The following HCRTR2 variants were observed in gnomAD, a reference collection of about 807,000 sequenced individuals.
HCRTR2 encodes orexin receptor type 2.
A neutral mutation model predicts 49.0 loss-of-function variants in HCRTR2; 22 were observed. That is an observed-to-expected ratio of 0.45 (90% CI 0.32 to 0.64). The LOEUF is 0.64. Among genes scored for constraint, HCRTR2 ranks in the 30% least tolerant of loss-of-function variants. The pLI is 0.04. For synonymous variants in HCRTR2, 236 were observed against 205.3 expected, an observed-to-expected ratio of 1.15 and a Z score of -1.28; for missense variants, 491 against 559.4, an observed-to-expected ratio of 0.88 and a Z score of 1.23.
At chr6:55,269,267 T>C (rs1396193633) in intron 4 of HCRTR2, among the ~76,000 whole-genome samples, 2 of 152,132 alleles carry the variant, frequency 1.3e-5, no homozygotes, top group South Asian at 2.1e-4. Context: ...GTTTTCTGAC[T>C]AAAGTCAGAA....
intron 1 of HCRTR2, among the ~76,000 whole-genome samples, chr6:55,134,620 C>G (rs1350241585): frequency 6.6e-6 from 1 of 151,668 alleles, no homozygotes; most frequent in East Asian, 1.9e-4. Flanking sequence ...CCAACATCTC[C>G]CCATTTTCTC....
At chr6:55,232,016 T>C (rs1766124232) in intron 1 of HCRTR2, among the ~76,000 whole-genome samples, 1 of 152,276 alleles carries the variant, frequency 6.6e-6, no homozygotes, top group South Asian at 2.1e-4. Context: ...AACAGATGTG[T>C]CCTAACCCAC....
At chr6:55,126,696 G>A in intron 1 of HCRTR2, among the ~76,000 whole-genome samples, 1 of 142,580 alleles carries the variant, frequency 7.0e-6, no homozygotes, top group East Asian at 2.0e-4. Flanking sequence ...CTTGCCCCAG[G>A]TGCTCTGTCC....
chr6:55,146,701 T>C (rs1055531458), intron 1 of HCRTR2, among the ~76,000 whole-genome samples: 8 of 152,168 alleles, frequency 5.3e-5, no homozygotes, highest in Admixed American at 5.2e-4. Context: ...TTGTTTAATT[T>C]CTCTCAAAAT....
intron 1 of HCRTR2, among the ~76,000 whole-genome samples, chr6:55,204,332 G>T (rs963239863): frequency 6.6e-6 from 1 of 152,144 alleles, no homozygotes; most frequent in Non-Finnish European, 1.5e-5. Context: ...GCTGACAGTA[G>T]TATCTTGCTG....
intron 1 of HCRTR2, among the ~76,000 whole-genome samples, chr6:55,179,767 G>A (rs886373640): frequency 6.6e-6 from 1 of 152,054 alleles, no homozygotes; most frequent in Non-Finnish European, 1.5e-5. Flanking sequence ...ATACTAAATT[G>A]TATCATATGA....
chr6:55,242,186 A>C (rs1766349233), intron 1 of HCRTR2, among the ~76,000 whole-genome samples: 1 of 152,172 alleles, frequency 6.6e-6, no homozygotes, highest in Middle Eastern at 3.4e-3. Flanking sequence ...TAATTTTTAA[A>C]ATTGTGGTAA....
intron 1 of HCRTR2, among the ~76,000 whole-genome samples, chr6:55,224,571 C>A (rs542011147): frequency 6.6e-6 from 1 of 151,382 alleles, no homozygotes; most frequent in Admixed American, 6.6e-5. Context: ...TGCAGTGAGC[C>A]GAGGTTGTGC....
chr6:55,278,809 C>A (rs1173056315), intron 5 of HCRTR2, among the ~76,000 whole-genome samples: 3 of 151,212 alleles, frequency 2.0e-5, no homozygotes, highest in Non-Finnish European at 4.4e-5. Flanking sequence ...GCTAGATACT[C>A]TCTTCTGCTT....
At chr6:55,224,404 T>G (rs574688865) in intron 1 of HCRTR2, among the ~76,000 whole-genome samples, 1 of 151,784 alleles carries the variant, frequency 6.6e-6, no homozygotes, top group East Asian at 1.9e-4. Context: ...GATCACGAGA[T>G]CAGGAGATCC....
At chr6:55,231,884 T>C (rs1289711622) in intron 1 of HCRTR2, among the ~76,000 whole-genome samples, 1 of 152,138 alleles carries the variant, frequency 6.6e-6, no homozygotes, top group Non-Finnish European at 1.5e-5. Flanking sequence ...TAGATGTCCC[T>C]TAAATACATC....
intron 1 of HCRTR2, among the ~76,000 whole-genome samples, chr6:55,235,692 G>A (rs566985722): frequency 7.9e-5 from 12 of 152,054 alleles, no homozygotes; most frequent in African/African-American, 2.6e-4. Context: ...TTTTTTCTAT[G>A]TAGATATCAA....
chr6:55,136,140 A>G (rs1407837510), intron 1 of HCRTR2, among the ~76,000 whole-genome samples: 1 of 152,162 alleles, frequency 6.6e-6, no homozygotes. Flanking sequence ...TACTCTCTTA[A>G]CACAAAATTT....
intron 1 of HCRTR2, among the ~76,000 whole-genome samples, chr6:55,130,457 A>C (rs1254520995): frequency 6.6e-6 from 1 of 150,724 alleles, no homozygotes; most frequent in East Asian, 1.9e-4. Context: ...TTTCATCTCC[A>C]ATATATTCCT....
intron 1 of HCRTR2, among the ~76,000 whole-genome samples, chr6:55,132,768 G>A (rs1454165429): frequency 1.6e-5 from 2 of 125,496 alleles, no homozygotes; most frequent in African/African-American, 6.0e-5. Context: ...TTTTTTTTTC[G>A]CTGAAAATTA....
At chr6:55,225,267 C>T (rs3122164) in intron 1 of HCRTR2, among the ~76,000 whole-genome samples, 53,881 of 151,936 alleles carry the variant, frequency 0.35, 10,385 homozygotes, top group African/African-American at 0.51. Flanking sequence ...ATTAGTGTGT[C>T]ATACAAATAC....
intron 1 of HCRTR2, among the ~76,000 whole-genome samples, chr6:55,218,032 C>A (rs1479463325): frequency 6.6e-6 from 1 of 152,190 alleles, no homozygotes; most frequent in African/African-American, 2.4e-5. Flanking sequence ...AGAATCTTCT[C>A]ATTGTATCAT....
chr6:55,178,558 T>C (rs1765079592), intron 1 of HCRTR2, among the ~76,000 whole-genome samples: 1 of 152,232 alleles, frequency 6.6e-6, no homozygotes, highest in Non-Finnish European at 1.5e-5. Context: ...TGTCAATTTT[T>C]ATCCCTTAAT....
chr6:55,239,516 A>G (rs1456280277), intron 1 of HCRTR2, among the ~76,000 whole-genome samples: 1 of 152,160 alleles, frequency 6.6e-6, no homozygotes, highest in African/African-American at 2.4e-5. Context: ...GTGTGTGAAG[A>G]TACTCTTTCT....
Sources: gnomAD v4.1 joint callset for allele counts (sites outside exome capture counted in the v4.1 genomes callset) on GRCh38, gnomAD v4.1.1 for gene constraint, MANE v1.5 for transcripts, NCBI Gene and HGNC (gene_info 2026-07-23, HGNC 2026-07-21) for gene names.